ME3: variants seen among roughly 807,000 people sequenced by gnomAD.
The protein encoded by ME3 is malic enzyme 3.
ME3 carries 48 observed loss-of-function variants against 68.9 expected under a neutral mutation model. The observed-to-expected ratio is 0.70, with a 90% CI of 0.55 to 0.89. ME3 has a LOEUF of 0.89. Ranked by LOEUF, ME3 falls within the 40% of genes least tolerant of loss-of-function variation. ME3 has a pLI of 0.00. For synonymous variants in ME3, 320 were observed against 318.8 expected (o/e 1.00, Z -0.04); for missense variants, 675 against 797.4 (o/e 0.85, Z 1.85).
At chr11:86,671,764 T>C in exon 2 of ME3, 1 of 1,603,246 alleles carries the variant, frequency 6.2e-7, no homozygotes, top group Non-Finnish European at 8.5e-7. Flanking sequence ...CCCATTACCT[T>C]GTTGAGATGA....
chr11:86,469,062 TA>T (rs139976063), intron 7 of ME3, among the ~76,000 whole-genome samples: 6,886 of 148,270 alleles, frequency 0.046, 383 homozygotes, highest in African/African-American at 0.14. Context: ...TACAGGTTCT[TA>T]AAAAAAAAAG....
At chr11:86,454,952 T>C (rs532640171) in intron 8 of ME3, among the ~76,000 whole-genome samples, 13 of 152,284 alleles carry the variant, frequency 8.5e-5, no homozygotes, top group African/African-American at 3.1e-4. Context: ...AGATAGGGGG[T>C]ACAGCAAACA....
intron 5 of ME3, among the ~76,000 whole-genome samples, chr11:86,503,119 G>A (rs916986332): frequency 5.9e-5 from 9 of 151,562 alleles, no homozygotes; most frequent in African/African-American, 2.2e-4. Flanking sequence ...TCAAATCTTG[G>A]TTCCACTTCT....
At chr11:86,530,451 C>T (rs1206353978) in intron 4 of ME3, among the ~76,000 whole-genome samples, 1 of 152,178 alleles carries the variant, frequency 6.6e-6, no homozygotes, top group Non-Finnish European at 1.5e-5. Context: ...TCAATGCCAT[C>T]CCCATCAAGC....
At chr11:86,478,153 C>T (rs995652816) in intron 7 of ME3, among the ~76,000 whole-genome samples, 3 of 151,864 alleles carry the variant, frequency 2.0e-5, no homozygotes, top group Non-Finnish European at 2.9e-5. Context: ...ATTTACTGCA[C>T]GAGTAAAGCC....
chr11:86,607,507 G>C (rs1429221847), intron 2 of ME3, among the ~76,000 whole-genome samples: 1 of 148,192 alleles, frequency 6.7e-6, no homozygotes, highest in Non-Finnish European at 1.5e-5. Flanking sequence ...ATAGAGCCTG[G>C]TGAATATCAT....
intron 8 of ME3, chr11:86,457,728 C>T (rs1950018120): frequency 7.8e-7 from 1 of 1,287,256 alleles, no homozygotes; most frequent in Non-Finnish European, 1.0e-6. Context: ...CCCATAAATG[C>T]CATGGGCAGC....
intron 5 of ME3, among the ~76,000 whole-genome samples, chr11:86,505,465 G>A (rs1383645141): frequency 6.6e-6 from 1 of 152,166 alleles, no homozygotes; most frequent in East Asian, 1.9e-4. Context: ...ATTTAAAAAT[G>A]TTGCCTACAA....
intron 2 of ME3, among the ~76,000 whole-genome samples, chr11:86,653,141 T>C (rs1407599301): frequency 1.3e-5 from 2 of 152,174 alleles, no homozygotes; most frequent in African/African-American, 4.8e-5. Flanking sequence ...CACACAATAA[T>C]AATGGGAGAC....
chr11:86,535,807 A>G (rs1955612463), intron 4 of ME3, among the ~76,000 whole-genome samples: 1 of 152,210 alleles, frequency 6.6e-6, no homozygotes, highest in African/African-American at 2.4e-5. Flanking sequence ...GTAGGGAGCC[A>G]TGGATAATAG....
At chr11:86,463,169 C>A (rs906576880) in intron 8 of ME3, among the ~76,000 whole-genome samples, 1 of 152,166 alleles carries the variant, frequency 6.6e-6, no homozygotes, top group Admixed American at 6.5e-5. Flanking sequence ...TGTTCCTGTG[C>A]CTGTGTTTAG....
intron 4 of ME3, 101 bp from the exon 5 acceptor site, chr11:86,508,968 ATAGACCTGGGCAAGAAAGATTCCT>A (rs1953297038): frequency 1.0e-6 from 1 of 968,862 alleles, no homozygotes. Flanking sequence ...AAATTTGCCC[ATAGACCTGGGCAAGAAAGATTCCT>A]GCCCGAGGCC....
downstream of ME3, among the ~76,000 whole-genome samples, chr11:86,439,466 C>T (rs1948917914): frequency 6.6e-6 from 1 of 152,154 alleles, no homozygotes; most frequent in Non-Finnish European, 1.5e-5. Context: ...CTCTATAGAG[C>T]CAATTGCATT....
At chr11:86,441,544 G>C in intron 14 of ME3, 104 bp from the exon 15 acceptor site, 1 of 1,154,202 alleles carries the variant, frequency 8.7e-7, no homozygotes, top group South Asian at 2.0e-5. Flanking sequence ...TAAGGAACCA[G>C]ACTTGTTTCT....
At chr11:86,508,045 T>C (rs1953215718) in intron 5 of ME3, among the ~76,000 whole-genome samples, 1 of 152,150 alleles carries the variant, frequency 6.6e-6, no homozygotes, top group Non-Finnish European at 1.5e-5. Context: ...AGAAATGTTT[T>C]CTTCTTAAAT....
chr11:86,464,018 C>T, intron 8 of ME3: 1 of 387,210 alleles, frequency 2.6e-6, no homozygotes. Flanking sequence ...AATAAGCGTT[C>T]AGCGATTAAC....
chr11:86,533,082 C>G (rs2139287212), intron 4 of ME3, among the ~76,000 whole-genome samples: 1 of 151,282 alleles, frequency 6.6e-6, no homozygotes, highest in African/African-American at 2.4e-5. Flanking sequence ...AACAAGTAAC[C>G]TAATCTTATA....
chr11:86,629,667 G>A (rs2135315529), intron 2 of ME3, among the ~76,000 whole-genome samples: 2 of 152,286 alleles, frequency 1.3e-5, no homozygotes, highest in East Asian at 3.9e-4. Flanking sequence ...CTGTGTCTTG[G>A]TGTCCCATTG....
intron 4 of ME3, among the ~76,000 whole-genome samples, chr11:86,538,035 T>C (rs1260372501): frequency 1.3e-5 from 2 of 152,124 alleles, no homozygotes; most frequent in African/African-American, 2.4e-5. Flanking sequence ...CACAAATCCA[T>C]TTCACCCCAT....
Sources: gnomAD v4.1 joint callset for allele counts (sites outside exome capture counted in the v4.1 genomes callset) on GRCh38, gnomAD v4.1.1 for gene constraint, MANE v1.5 for transcripts, NCBI Gene and HGNC (gene_info 2026-07-23, HGNC 2026-07-21) for gene names.